Variants in EDIL3 observed in about 807,000 individuals in gnomAD.
EDIL3 encodes EGF like and discoidin domains 3, also known as EGF-like repeat and discoidin I-like domain-containing protein 3.
Under a neutral mutation model 67.4 loss-of-function variants are expected in EDIL3, and 37 were observed. The observed-to-expected ratio is 0.55, with a 90% CI of 0.42 to 0.72. The LOEUF (loss-of-function observed/expected upper bound fraction) is 0.72. EDIL3 is among the 30% of genes least tolerant of loss of function. The probability of loss-of-function intolerance (pLI) is 0.00; values close to 1 mark genes in which losing one functional copy is unlikely to be tolerated. For missense variants in EDIL3, 527 were observed against 586.3 expected (o/e 0.90, Z 1.04); for synonymous variants, 195 against 196.3 (o/e 0.99, Z 0.05).
At chr5:84,156,711 C>T (rs943590130) in intron 4 of EDIL3, among the ~76,000 whole-genome samples, 18 of 152,256 alleles carry the variant, frequency 1.2e-4, no homozygotes, top group Admixed American at 1.2e-3. Flanking sequence ...TTAGATACAG[C>T]TCTCTAGGGA....
chr5:84,050,757 G>C (rs1435868845), intron 9 of EDIL3, among the ~76,000 whole-genome samples: 1 of 152,206 alleles, frequency 6.6e-6, no homozygotes, highest in Non-Finnish European at 1.5e-5. Context: ...GCAGCAGTGA[G>C]GCTGGGGGAG....
At chr5:84,343,845 G>A (rs1365065123) in intron 1 of EDIL3, among the ~76,000 whole-genome samples, 1 of 152,062 alleles carries the variant, frequency 6.6e-6, no homozygotes, top group Non-Finnish European at 1.5e-5. Context: ...TTGTAAGGTT[G>A]AGCATGAATG....
intron 9 of EDIL3, among the ~76,000 whole-genome samples, chr5:83,966,576 C>T (rs372359041): frequency 2.6e-5 from 4 of 152,020 alleles, no homozygotes; most frequent in East Asian, 3.9e-4. Flanking sequence ...CCTACTCTAA[C>T]GGAACTGGGT....
At chr5:84,370,835 T>C (rs1197916319) in intron 1 of EDIL3, among the ~76,000 whole-genome samples, 2 of 152,164 alleles carry the variant, frequency 1.3e-5, no homozygotes, top group Non-Finnish European at 2.9e-5. Flanking sequence ...TAGATAACAA[T>C]TTATTAAATA....
At chr5:84,216,914 G>C in intron 3 of EDIL3, among the ~76,000 whole-genome samples, 1 of 152,080 alleles carries the variant, frequency 6.6e-6, no homozygotes, top group Non-Finnish European at 1.5e-5. Context: ...TCACAGAGGA[G>C]GAAAAGTTAA....
chr5:84,325,495 G>A (rs1212600210), intron 1 of EDIL3, among the ~76,000 whole-genome samples: 1 of 151,920 alleles, frequency 6.6e-6, no homozygotes, highest in African/African-American at 2.4e-5. Context: ...AATACATGTT[G>A]GTGAGGATGT....
intron 5 of EDIL3, among the ~76,000 whole-genome samples, chr5:84,119,013 A>G (rs1043172288): frequency 6.6e-6 from 1 of 152,264 alleles, no homozygotes; most frequent in South Asian, 2.1e-4. Context: ...GAAAGAATAC[A>G]TGGTTAGCAC....
chr5:84,310,980 C>T (rs567253382), intron 1 of EDIL3, among the ~76,000 whole-genome samples: 1 of 152,198 alleles, frequency 6.6e-6, no homozygotes, highest in Admixed American at 6.5e-5. Context: ...TGTATTCTAT[C>T]ATGTCTGTTT....
At chr5:84,058,308 T>TTA (rs1561417865) in intron 9 of EDIL3, among the ~76,000 whole-genome samples, 1 of 151,978 alleles carries the variant, frequency 6.6e-6, no homozygotes, top group Non-Finnish European at 1.5e-5. Context: ...ATGAAGGGTT[T>TTA]TAAACAGGAG....
intron 3 of EDIL3, among the ~76,000 whole-genome samples, chr5:84,227,011 G>A (rs191807065): frequency 7.9e-5 from 12 of 151,920 alleles, no homozygotes; most frequent in African/African-American, 4.8e-5. Context: ...CATTTTCTTC[G>A]TACAAAACAA....
intron 3 of EDIL3, among the ~76,000 whole-genome samples, chr5:84,194,505 C>T (rs907495212): frequency 6.6e-6 from 1 of 151,824 alleles, no homozygotes; most frequent in Non-Finnish European, 1.5e-5. Context: ...TGTATGCTTT[C>T]TAGTAGACAT....
intron 2 of EDIL3, among the ~76,000 whole-genome samples, chr5:84,231,793 T>G (rs549031560): frequency 5.5e-4 from 84 of 152,302 alleles, no homozygotes; most frequent in Middle Eastern, 6.8e-3. Context: ...AATGGTAGCT[T>G]CCAGGAATTC....
chr5:84,277,961 C>T (rs1745614038), intron 1 of EDIL3, among the ~76,000 whole-genome samples: 1 of 152,124 alleles, frequency 6.6e-6, no homozygotes, highest in Non-Finnish European at 1.5e-5. Flanking sequence ...CCATCCATGT[C>T]ACTGGAAATC....
At chr5:84,082,964 C>G (rs1746998241) in intron 6 of EDIL3, among the ~76,000 whole-genome samples, 1 of 152,130 alleles carries the variant, frequency 6.6e-6, no homozygotes, top group African/African-American at 2.4e-5. Flanking sequence ...CTTAACACGT[C>G]CCCTGATACA....
chr5:84,110,023 C>T (rs1461701291), intron 5 of EDIL3, among the ~76,000 whole-genome samples: 2 of 152,138 alleles, frequency 1.3e-5, no homozygotes, highest in Admixed American at 1.3e-4. Flanking sequence ...TTTAGAGGAC[C>T]TCAACTGAAG....
intron 1 of EDIL3, among the ~76,000 whole-genome samples, chr5:84,284,565 ATGATAT>A (rs1745772172): frequency 6.6e-6 from 1 of 152,176 alleles, no homozygotes; most frequent in Non-Finnish European, 1.5e-5. Context: ...AATCAATCTC[ATGATAT>A]TGATATTTCC....
chr5:84,302,703 T>G (rs2112132148), intron 1 of EDIL3, among the ~76,000 whole-genome samples: 1 of 152,352 alleles, frequency 6.6e-6, no homozygotes, highest in Middle Eastern at 3.4e-3. Context: ...CCCAAAGTAC[T>G]TCCTGTATTA....
At chr5:84,249,377 T>TTCTATCTA (rs72278901) in intron 2 of EDIL3, among the ~76,000 whole-genome samples, 383 of 144,280 alleles carry the variant, frequency 2.7e-3, no homozygotes, top group East Asian at 7.1e-3. Flanking sequence ...CAACATATCT[T>TTCTATCTA]TCTATCTATC....
chr5:84,083,399 C>A (rs969717549), intron 6 of EDIL3, among the ~76,000 whole-genome samples: 16 of 152,050 alleles, frequency 1.1e-4, no homozygotes, highest in African/African-American at 2.9e-4. Context: ...TTCATCAGTA[C>A]AATATGACCA....
Sources: allele counts gnomAD v4.1 joint callset (sites outside exome capture counted in the v4.1 genomes callset), GRCh38; gene constraint gnomAD v4.1.1; transcripts MANE v1.5; gene names NCBI Gene and HGNC (gene_info 2026-07-23, HGNC 2026-07-21).